The following TMEM132C variants were observed in gnomAD, a reference collection of about 807,000 sequenced individuals.
TMEM132C encodes protein phosphatase 1, regulatory subunit 152.
In TMEM132C, 29 loss-of-function variants were observed where a neutral mutation model predicts 61.4. That is an observed-to-expected ratio of 0.47 (90% CI 0.35 to 0.64). The LOEUF (loss-of-function observed/expected upper bound fraction) is 0.64, where lower values mean the gene tolerates loss of function less well. Ranked by LOEUF, TMEM132C falls within the 30% of genes least tolerant of loss-of-function variation. The pLI is 0.00. For synonymous variants in TMEM132C, 656 were observed against 633.1 expected (o/e 1.04, Z -0.54); for missense variants, 1,408 against 1,476.9 (o/e 0.95, Z 0.76).
chr12:128,595,096 T>C (rs4882720), intron 3 of TMEM132C, among the ~76,000 whole-genome samples: 57,574 of 152,130 alleles, frequency 0.38, 13,688 homozygotes, highest in Non-Finnish European at 0.53. Context: ...AACACTGCTC[T>C]CCGGAGAACA....
chr12:128,314,618 C>G (rs901610727), intron 1 of TMEM132C, among the ~76,000 whole-genome samples: 4 of 152,004 alleles, frequency 2.6e-5, no homozygotes, highest in African/African-American at 9.7e-5. Flanking sequence ...GGCTCTAAAT[C>G]CAGTAACTGG....
At chr12:128,574,806 G>A (rs1288823959) in intron 3 of TMEM132C, among the ~76,000 whole-genome samples, 2 of 152,106 alleles carry the variant, frequency 1.3e-5, no homozygotes, top group Non-Finnish European at 2.9e-5. Context: ...CACTGAATTT[G>A]GCCAGTGCAG....
At chr12:128,447,361 G>C (rs527544696) in intron 2 of TMEM132C, among the ~76,000 whole-genome samples, 1 of 152,278 alleles carries the variant, frequency 6.6e-6, no homozygotes, top group East Asian at 1.9e-4. Context: ...CAGGCAAGAG[G>C]TAATTCCCTG....
chr12:128,509,182 A>AT (rs1872489994), intron 2 of TMEM132C, among the ~76,000 whole-genome samples: 1 of 152,186 alleles, frequency 6.6e-6, no homozygotes, highest in Admixed American at 6.5e-5. Context: ...TTTGAGGTTT[A>AT]TTTTACCAAG....
chr12:128,290,236 GACTCACAGTTCTGCAGGCTTAA>G (rs1197776341), intron 1 of TMEM132C, among the ~76,000 whole-genome samples: 2 of 152,126 alleles, frequency 1.3e-5, no homozygotes, highest in East Asian at 3.9e-4. Flanking sequence ...AGGTTTGGTT[GACTCACAGTTCTGCAGGCTTAA>G]TAGAAAGCAT....
intron 2 of TMEM132C, among the ~76,000 whole-genome samples, chr12:128,491,222 G>A (rs1165463873): frequency 2.0e-5 from 3 of 152,200 alleles, no homozygotes; most frequent in Middle Eastern, 3.4e-3. Context: ...ACTCTAGCTA[G>A]AGACAAAAAG....
intron 4 of TMEM132C, among the ~76,000 whole-genome samples, chr12:128,640,053 A>C (rs1276523084): frequency 6.6e-6 from 1 of 152,202 alleles, no homozygotes; most frequent in Non-Finnish European, 1.5e-5. Flanking sequence ...GAAATCAGCA[A>C]GGCCTATTGG....
chr12:128,600,191 C>G lies in TMEM132C; in HGVS notation c.1122-15961C>G, dbSNP rs564884268. ...TAGAGACGAGGTTTCACCGTGTTAGCCAGGATGGTCTAGATCTCCTGACCT... is the reference window on the plus strand; with the variant it reads ...TAGAGACGAGGTTTCACCGTGTTAGGCAGGATGGTCTAGATCTCCTGACCT... On this transcript the variant is annotated intron_variant, in intron 3 of 8. Coordinates refer to ENST00000435159, the MANE Select transcript of TMEM132C (RefSeq NM_001136103.3). 1.1e-4 allele frequency among the ~76,000 whole-genome samples: 16 copies of G among 152,210 alleles called. No homozygotes were observed. In the South Asian group the frequency reaches 3.1e-3, roughly 30 times the overall value.
intron 2 of TMEM132C, among the ~76,000 whole-genome samples, chr12:128,497,336 G>A (rs1872001359): frequency 6.6e-6 from 1 of 152,214 alleles, no homozygotes. Flanking sequence ...CATGTTGGGA[G>A]AACCACTACT....
chr12:128,602,758 ACCATT>A (rs1224042019), intron 3 of TMEM132C, among the ~76,000 whole-genome samples: 1 of 152,090 alleles, frequency 6.6e-6, no homozygotes, highest in Non-Finnish European at 1.5e-5. Flanking sequence ...TGCTTTCCAT[ACCATT>A]CAGGGCTTTA....
At chr12:128,689,963 G>T (rs544028568) in intron 5 of TMEM132C, among the ~76,000 whole-genome samples, 1 of 152,326 alleles carries the variant, frequency 6.6e-6, no homozygotes, top group South Asian at 2.1e-4. Context: ...GCTCCCACAG[G>T]ACATCCGTGG....
chr12:128,481,759 C>T (rs767225723), intron 2 of TMEM132C, among the ~76,000 whole-genome samples: 2 of 152,094 alleles, frequency 1.3e-5, no homozygotes, highest in Non-Finnish European at 2.9e-5. Flanking sequence ...TGGCCTCCTT[C>T]AGAGGAAGGG....
chr12:128,703,887 T>G (rs546544777), intron 8 of TMEM132C, among the ~76,000 whole-genome samples: 5 of 152,298 alleles, frequency 3.3e-5, no homozygotes, highest in Admixed American at 1.3e-4. Flanking sequence ...GTTTTATGAT[T>G]AGGATTGCAC....
At chr12:128,636,356 C>T (rs1954103461) in intron 4 of TMEM132C, among the ~76,000 whole-genome samples, 1 of 152,082 alleles carries the variant, frequency 6.6e-6, no homozygotes, top group Non-Finnish European at 1.5e-5. Flanking sequence ...CCGGTGTCAT[C>T]CACATTTTTA....
chr12:128,412,959 T>C (rs1338670160), intron 1 of TMEM132C, among the ~76,000 whole-genome samples: 1 of 152,182 alleles, frequency 6.6e-6, no homozygotes, highest in East Asian at 1.9e-4. Flanking sequence ...TCAGCCATTT[T>C]TCTGCATAGA....
rs538519447 is a variant in TMEM132C, at chr12:128,403,162, A to G, written c.86-11570A>G. Among the ~76,000 whole-genome samples the G allele has an allele frequency of 2.1e-4, 32 of 152,376 alleles. 2 individuals carry two copies. The South Asian group carries it at 6.4e-3, about 31-fold the overall frequency. On this transcript the variant is annotated intron_variant, in intron 1 of 8. Coordinates refer to ENST00000435159, the MANE Select transcript of TMEM132C (RefSeq NM_001136103.3). ...CTTTTGTTTCAATAAAAAGGAAACA[A>G]TGAGCCATATTTAGCAGAGAGAGAG...
rs565287711 is a variant in TMEM132C at position 128,559,721 on chromosome 12, G to A, written c.1121+15618G>A. On this transcript the variant is annotated intron_variant, in intron 3 of 8. Transcript: ENST00000435159. ...AGGATTTTGTGCCAGAGCCAGCCCC[G>A]TGACTCCTGGGAAGCTCTAGCATGG... 3.5e-4 allele frequency among the ~76,000 whole-genome samples: 54 copies of A among 152,266 alleles called. No homozygotes were observed. In the South Asian group the frequency reaches 7.9e-3, roughly 22 times the overall value.
intron 5 of TMEM132C, among the ~76,000 whole-genome samples, chr12:128,677,250 T>C (rs1954597606): frequency 6.6e-6 from 1 of 152,126 alleles, no homozygotes; most frequent in Admixed American, 6.5e-5. Flanking sequence ...CAGTCCGTGT[T>C]TTTCACAGGT....
intron 2 of TMEM132C, among the ~76,000 whole-genome samples, chr12:128,456,366 C>CTCTTTTTTTTTTTTT (rs1870341808): frequency 1.9e-5 from 1 of 52,448 alleles, no homozygotes; most frequent in East Asian, 6.1e-4. Context: ...TCTGATTAGC[C>CTCTTTTTTTTTTTTT]TTTTTTTTTT....
Sources: gnomAD v4.1 joint callset for allele counts (sites outside exome capture counted in the v4.1 genomes callset) on GRCh38, gnomAD v4.1.1 for gene constraint, MANE v1.5 for transcripts, NCBI Gene and HGNC (gene_info 2026-07-23, HGNC 2026-07-21) for gene names.